WWOX: variants seen among roughly 807,000 people sequenced by gnomAD.
The protein encoded by WWOX is WW domain containing oxidoreductase.
A neutral mutation model predicts 46.2 loss-of-function variants in WWOX; 69 were observed. That is an observed-to-expected ratio of 1.49 (90% confidence interval 1.23 to 1.82). The LOEUF is 1.82. WWOX is among the 40% of genes most tolerant of loss of function. The pLI is 0.00. For synonymous variants in WWOX, 359 were observed against 202.6 expected (o/e 1.77, Z -6.56); for missense variants, 919 against 542.6 (o/e 1.69, Z -6.89).
intron 5 of WWOX, among the ~76,000 whole-genome samples, chr16:78,376,683 C>G (rs865951213): frequency 2.6e-5 from 4 of 152,070 alleles, no homozygotes; most frequent in Admixed American, 6.5e-5. Context: ...ACCTCTGCCC[C>G]CTGGATGCCA....
intron 8 of WWOX, among the ~76,000 whole-genome samples, chr16:78,774,808 C>G (rs1407211312): frequency 1.9e-4 from 29 of 152,082 alleles, no homozygotes; most frequent in Admixed American, 1.9e-3. Flanking sequence ...TGAGGTGCTC[C>G]CAGGAGATCT....
chr16:78,216,817 C>T (rs181914404), intron 5 of WWOX, among the ~76,000 whole-genome samples: 6 of 152,174 alleles, frequency 3.9e-5, no homozygotes, highest in East Asian at 1.9e-4. Context: ...CTGCAACTTC[C>T]GCCTCCAGGG....
At chr16:78,612,230 T>G (rs1358387811) in intron 8 of WWOX, among the ~76,000 whole-genome samples, 1 of 152,200 alleles carries the variant, frequency 6.6e-6, no homozygotes, top group Admixed American at 6.5e-5. Flanking sequence ...TGGACAAGAA[T>G]GAAAAGCAAT....
chr16:78,227,236 T>G (rs1364613683), intron 5 of WWOX, among the ~76,000 whole-genome samples: 3 of 152,236 alleles, frequency 2.0e-5, no homozygotes, highest in Non-Finnish European at 4.4e-5. Context: ...TTGTACGCTT[T>G]AAGGTTAAGG....
At chr16:78,640,758 G>A (rs1278609000) in intron 8 of WWOX, among the ~76,000 whole-genome samples, 1 of 152,112 alleles carries the variant, frequency 6.6e-6, no homozygotes, top group South Asian at 2.1e-4. Flanking sequence ...GGGCAACACG[G>A]TGAAACCCCG....
chr16:79,124,376 A>G (rs527955980), intron 8 of WWOX, among the ~76,000 whole-genome samples: 1 of 152,300 alleles, frequency 6.6e-6, no homozygotes, highest in East Asian at 1.9e-4. Context: ...TTTATTGGAA[A>G]CCATAGAGAA....
chr16:78,268,396 G>A (rs1330268778), intron 5 of WWOX, among the ~76,000 whole-genome samples: 2 of 152,118 alleles, frequency 1.3e-5, no homozygotes, highest in Non-Finnish European at 2.9e-5. Context: ...TCTGCTCAGG[G>A]TAGCCATACT....
rs139639971 is a variant in WWOX, at chr16:78,623,775, A to C, written c.1056+191023A>C. 3.4e-3 allele frequency among the ~76,000 whole-genome samples: 521 copies of C among 151,614 alleles called. 2 individuals carry two copies. Among genetic ancestry groups the C allele is most frequent in the African/African-American group, 0.012 (500 of 41,318 alleles). ...AAGTGTACTTTTTGAGGAAAGTTCT[A>C]TTTTTCATTATTTTCCACTATGAAT... On this transcript the variant is annotated intron_variant, in intron 8 of 8. Transcript: ENST00000566780.
chr16:78,137,628 C>T (rs1235503917), intron 4 of WWOX, among the ~76,000 whole-genome samples: 6 of 152,070 alleles, frequency 3.9e-5, no homozygotes, highest in African/African-American at 7.2e-5. Context: ...TAAGATGCAC[C>T]GTCATATGAA....
In WWOX at chr16:78,699,978, G is replaced by A. The variant is rs191501878; in HGVS notation, c.1056+267226G>A. On this transcript the variant is annotated intron_variant, in intron 8 of 8. Coordinates refer to ENST00000566780, the MANE Select transcript of WWOX (RefSeq NM_016373.4). ...GGTAACTGGGGCACTCTTGGTCTTG[G>A]GGAGGGGAGGTGGCTGGGGACGCAG... Among the ~76,000 whole-genome samples, 5 of 152,204 alleles carry A rather than the reference G, an allele frequency of 3.3e-5. 1 individual carries two copies. Among genetic ancestry groups the A allele is most frequent in the Admixed American group, 2.6e-4 (4 of 15,290 alleles).
At chr16:78,724,503 T>C (rs2048777274) in intron 8 of WWOX, among the ~76,000 whole-genome samples, 1 of 152,306 alleles carries the variant, frequency 6.6e-6, no homozygotes, top group Non-Finnish European at 1.5e-5. Context: ...CGGTTACTGA[T>C]ATTATTATAG....
chr16:78,140,012 G>A (rs944586316), intron 4 of WWOX, among the ~76,000 whole-genome samples: 21 of 152,296 alleles, frequency 1.4e-4, no homozygotes, highest in African/African-American at 5.1e-4. Flanking sequence ...TTGCACATGT[G>A]CAAGTGCCAA....
intron 8 of WWOX, among the ~76,000 whole-genome samples, chr16:78,578,264 A>ATATATATATT (rs1555567071): frequency 4.9e-5 from 1 of 20,286 alleles, no homozygotes; most frequent in African/African-American, 1.6e-4. Flanking sequence ...TTATATATAT[A>ATATATATATT]TATATATATA....
intron 8 of WWOX, among the ~76,000 whole-genome samples, chr16:78,486,631 G>A (rs901005385): frequency 6.6e-6 from 1 of 151,480 alleles, no homozygotes; most frequent in Admixed American, 6.6e-5. Context: ...CTGGAGTGTA[G>A]TGGTGTGATC....
In WWOX at chr16:78,551,158, A is replaced by G. The variant is rs551089385; in HGVS notation, c.1056+118406A>G. 12 of 152,308 alleles carry G rather than the reference A, an allele frequency of 7.9e-5. No individual in the cohort carries two copies. In the East Asian group the frequency reaches 2.1e-3, roughly 27 times the overall value. The allele number at this position is 152,308 out of a possible 1,614,324, so 9.4% of individuals were successfully genotyped here. On this transcript the variant is annotated intron_variant, in intron 8 of 8. Transcript: ENST00000566780. ...CAGTATATTCCATGAAACAAATATC[A>G]TGAATTTATTCCATGAAACAAATAT...
At chr16:78,807,628 T>G (rs1015810590) in intron 8 of WWOX, among the ~76,000 whole-genome samples, 23 of 152,200 alleles carry the variant, frequency 1.5e-4, no homozygotes, top group African/African-American at 4.8e-4. Context: ...ATTTTATGGC[T>G]TATGGAAAGA....
At chr16:78,757,413 G>C (rs549799717) in intron 8 of WWOX, among the ~76,000 whole-genome samples, 132 of 152,216 alleles carry the variant, frequency 8.7e-4, no homozygotes, top group Non-Finnish European at 1.3e-3. Flanking sequence ...GACACTGTCT[G>C]TTGCTTCTGT....
At chr16:79,011,301 C>G (rs538892488) in intron 8 of WWOX, among the ~76,000 whole-genome samples, 1 of 151,820 alleles carries the variant, frequency 6.6e-6, no homozygotes, top group South Asian at 2.1e-4. Flanking sequence ...AGAAAATTAA[C>G]ACTATTACGT....
chr16:78,853,839 C>G (rs1214545935), intron 8 of WWOX, among the ~76,000 whole-genome samples: 1 of 152,072 alleles, frequency 6.6e-6, no homozygotes, highest in African/African-American at 2.4e-5. Context: ...AAGCCCTCAG[C>G]AATAGATCTT....
Sources: gnomAD v4.1 joint callset for allele counts (sites outside exome capture counted in the v4.1 genomes callset) on GRCh38, gnomAD v4.1.1 for gene constraint, MANE v1.5 for transcripts, NCBI Gene and HGNC (gene_info 2026-07-23, HGNC 2026-07-21) for gene names.